The following EPB41L5 variants were observed in gnomAD, a reference collection of about 807,000 sequenced individuals.
EPB41L5 encodes the protein band 4.1-like protein 5.
A neutral mutation model predicts 106.6 loss-of-function variants in EPB41L5; 55 were observed. The observed-to-expected ratio is 0.52, with a 90% CI of 0.42 to 0.65. The LOEUF is 0.65. EPB41L5 is among the 30% of genes least tolerant of loss of function. The pLI, the probability that EPB41L5 is intolerant of heterozygous loss-of-function variation, is 0.00. For synonymous variants in EPB41L5, 297 were observed against 306.7 expected (o/e 0.97, Z 0.33); for missense variants, 871 against 882.1 (o/e 0.99, Z 0.16).
At chr2:120,099,151 T>G (rs1369784857) in intron 14 of EPB41L5, among the ~76,000 whole-genome samples, 2 of 152,246 alleles carry the variant, frequency 1.3e-5, no homozygotes, top group African/African-American at 2.4e-5. Context: ...ATTTTCTCAC[T>G]TTCAAGGAAT....
intron 13 of EPB41L5, among the ~76,000 whole-genome samples, chr2:120,092,008 T>TTTTTTTTATTTA (rs1247810777): frequency 3.4e-5 from 5 of 146,656 alleles, no homozygotes; most frequent in African/African-American, 1.3e-4. Flanking sequence ...TTAAAAACAT[T>TTTTTTTTATTTA]TTTATTTATT....
intron 3 of EPB41L5, among the ~76,000 whole-genome samples, chr2:120,045,398 A>G (rs958717630): frequency 1.3e-5 from 2 of 152,228 alleles, no homozygotes; most frequent in African/African-American, 2.4e-5. Context: ...AGAAAGTTGC[A>G]AGGATGGTAT....
intron 3 of EPB41L5, among the ~76,000 whole-genome samples, chr2:120,047,843 C>G (rs1679914869): frequency 6.6e-6 from 1 of 152,142 alleles, no homozygotes. Flanking sequence ...TCATCAATAC[C>G]TAGTTTATTG....
At chr2:120,137,865 T>C (rs914916535) in intron 18 of EPB41L5, among the ~76,000 whole-genome samples, 1 of 152,076 alleles carries the variant, frequency 6.6e-6, no homozygotes, top group Non-Finnish European at 1.5e-5. Flanking sequence ...AGATCAGTAT[T>C]ACCCTGATAA....
intron 5 of EPB41L5, 144 bp downstream of exon 5, chr2:120,074,322 G>T (rs1433449404): frequency 1.5e-5 from 9 of 596,574 alleles, no homozygotes; most frequent in Non-Finnish European, 2.6e-5. Flanking sequence ...ATTTTATTCT[G>T]GGACGTGTTT....
At chr2:120,173,111 T>G (rs1687758552) in intron 24 of EPB41L5, among the ~76,000 whole-genome samples, 1 of 152,058 alleles carries the variant, frequency 6.6e-6, no homozygotes, top group Non-Finnish European at 1.5e-5. Flanking sequence ...AACAAAAAAA[T>G]GAGGCAGTTA....
At chr2:120,023,087 T>C (rs1357168350) in intron 2 of EPB41L5, among the ~76,000 whole-genome samples, 1 of 152,240 alleles carries the variant, frequency 6.6e-6, no homozygotes, top group Non-Finnish European at 1.5e-5. Flanking sequence ...ATTAGCCCTT[T>C]GTCAGATAGA....
In EPB41L5 at chr2:120,089,203, G is replaced by A. The variant is rs1021424898; in HGVS notation, c.874-1144G>A. Among the ~76,000 whole-genome samples the A allele has an allele frequency of 5.9e-5, 9 of 152,090 alleles. No individual in the cohort carries two copies. The South Asian group carries it at 1.9e-3, about 32-fold the overall frequency. ...GAAAAGTACCAAAAATTATAAAATAGATAACCATCTTATTAATGATCTAGA... is the reference window on the plus strand; with the variant it reads ...GAAAAGTACCAAAAATTATAAAATAAATAACCATCTTATTAATGATCTAGA... On this transcript the variant is annotated intron_variant, in intron 11 of 24. Transcript: ENST00000263713.
intron 3 of EPB41L5, among the ~76,000 whole-genome samples, chr2:120,048,858 A>G (rs1164785574): frequency 1.3e-5 from 2 of 152,100 alleles, no homozygotes; most frequent in Admixed American, 6.5e-5. Flanking sequence ...AGATTCTGGT[A>G]TGTTGTGTCT....
chr2:120,096,717 G>A (rs1301050619), intron 14 of EPB41L5, among the ~76,000 whole-genome samples: 1 of 152,152 alleles, frequency 6.6e-6, no homozygotes, highest in Non-Finnish European at 1.5e-5. Context: ...TTTAACCCTG[G>A]AGTCGGAGGT....
rs867261574 is a variant in EPB41L5 at position 120,056,430 on chromosome 2, C to G, written c.285+14320C>G. ...TCTCCTGCCTCAGCCTCCCAAGGAGCTGGGATGACAGGCATGCACCACTGT... is the reference window on the plus strand; with the variant it reads ...TCTCCTGCCTCAGCCTCCCAAGGAGGTGGGATGACAGGCATGCACCACTGT... On this transcript the variant is annotated intron_variant, in intron 3 of 24. Transcript: ENST00000263713. Among the ~76,000 whole-genome samples the G allele has an allele frequency of 2.3e-4, 35 of 151,982 alleles. No individual in the cohort carries two copies. In the Middle Eastern group the frequency reaches 0.014, roughly 59 times the overall value.
intron 19 of EPB41L5, among the ~76,000 whole-genome samples, chr2:120,144,976 A>C (rs1434467396): frequency 6.6e-6 from 1 of 152,254 alleles, no homozygotes; most frequent in Non-Finnish European, 1.5e-5. Flanking sequence ...CAAACTAGCA[A>C]AAGAATGAAA....
At chr2:120,114,540 A>G (rs1684864620) in intron 16 of EPB41L5, among the ~76,000 whole-genome samples, 1 of 152,176 alleles carries the variant, frequency 6.6e-6, no homozygotes, top group Non-Finnish European at 1.5e-5. Context: ...TTCAATTTAC[A>G]TTATCAGGAT....
At chr2:120,031,916 G>T (rs1280438596) in intron 2 of EPB41L5, among the ~76,000 whole-genome samples, 1 of 152,042 alleles carries the variant, frequency 6.6e-6, no homozygotes, top group Admixed American at 6.6e-5. Context: ...TAGGAGGATT[G>T]CTTGAGGCCA....
chr2:120,160,552 T>C, intron 20 of EPB41L5: 1 of 190,414 alleles, frequency 5.3e-6, no homozygotes, highest in East Asian at 1.3e-4. Context: ...GGTCATTCTC[T>C]TTTTAGTTTT....
At chr2:120,039,117 G>T (rs1255129488) in intron 2 of EPB41L5, among the ~76,000 whole-genome samples, 1 of 152,038 alleles carries the variant, frequency 6.6e-6, no homozygotes, top group Non-Finnish European at 1.5e-5. Context: ...ACATGGAATA[G>T]GCAGATTCAT....
rs1244409836 is a variant in EPB41L5 at position 120,146,368 on chromosome 2, A to G, written c.1793+79A>G. ...TTTTTTCTTCTCAGTCTGTCACCAC[A>G]TGGTTTCAGGATGTCTGTCTGAAAG... On this transcript the variant is annotated intron_variant, in intron 20 of 24. Coordinates refer to ENST00000263713, the MANE Select transcript of EPB41L5 (RefSeq NM_020909.4). 5 of 1,056,452 alleles carry G rather than the reference A, an allele frequency of 4.7e-6. No homozygotes were observed. In the Admixed American group the frequency reaches 7.7e-5, roughly 16 times the overall value. 65.4% of individuals were successfully genotyped at this position (1,056,452 alleles called of 1,614,324 possible). A position where few individuals can be genotyped will look rare whatever the true frequency, so the allele number is the denominator to read the frequency against.
At chr2:120,030,632 C>G (rs1051050933) in intron 2 of EPB41L5, among the ~76,000 whole-genome samples, 23 of 152,208 alleles carry the variant, frequency 1.5e-4, no homozygotes, top group African/African-American at 5.1e-4. Flanking sequence ...TGGCTCACTA[C>G]AACTCCCGCC....
At chr2:120,116,590 T>C (rs1307022437) in intron 16 of EPB41L5, among the ~76,000 whole-genome samples, 1 of 152,198 alleles carries the variant, frequency 6.6e-6, no homozygotes, top group Non-Finnish European at 1.5e-5. Flanking sequence ...GGTTTGATCA[T>C]GGCTCACTGC....
Sources: gnomAD v4.1 joint callset for allele counts (sites outside exome capture counted in the v4.1 genomes callset) on GRCh38, gnomAD v4.1.1 for gene constraint, MANE v1.5 for transcripts, NCBI Gene and HGNC (gene_info 2026-07-23, HGNC 2026-07-21) for gene names.